KLC1: variants seen among roughly 807,000 people sequenced by gnomAD.
KLC1 encodes kinesin light chain 1, also known as kinesin 2 60/70kDa.
A neutral mutation model predicts 84.2 loss-of-function variants in KLC1; 30 were observed. That is an observed-to-expected ratio of 0.36 (90% CI 0.27 to 0.48). The LOEUF is 0.48. KLC1 is among the 20% of genes least tolerant of loss of function. The pLI is 0.99. For synonymous variants in KLC1, 289 were observed against 293.3 expected (o/e 0.99, Z 0.15); for missense variants, 499 against 805.4 (o/e 0.62, Z 4.60).
At position 103,694,005 on chromosome 14, in the gene KLC1, A is replaced by G; in HGVS notation, c.1848+1580A>G. The G allele has an allele frequency of 9.6e-7, 1 of 1,038,860 alleles. No homozygotes were observed. The highest frequency in any genetic ancestry group is 1.2e-6 in the Non-Finnish European group (1 of 864,360). The allele number at this position is 1,038,860 out of a possible 1,614,324, so 64.4% of individuals were successfully genotyped here. A position where few individuals can be genotyped will look rare whatever the true frequency, so the allele number is the denominator to read the frequency against. On this transcript the variant is annotated intron_variant, in intron 15 of 16. Coordinates refer to ENST00000334553, the MANE Select transcript of KLC1 (RefSeq NM_001394837.1). This position sits in a 1 kb window ranked among gnomAD's most constrained non-coding sequence, Gnocchi z 4.5. ...ATTGTAATATTGTAATAAGGCTGTA[A>G]ATTAAGAATCTGGAAACATAAAGTA...
intron 9 of KLC1, 28 bp from the exon 10 acceptor site, chr14:103,675,524 A>T: frequency 6.2e-7 from 1 of 1,601,212 alleles, no homozygotes; most frequent in Non-Finnish European, 8.5e-7. Context: ...AAGGATGCTC[A>T]ACCTGTATGC....
At chr14:103,679,316 T>C in intron 12 of KLC1, 68 bp from the exon 13 acceptor site, 2 of 1,482,526 alleles carry the variant, frequency 1.3e-6, no homozygotes, top group Non-Finnish European at 1.8e-6. Context: ...TAGCGAAGTA[T>C]CTCAGAAATA....
At chr14:103,688,645 G>C (rs919596959) in intron 14 of KLC1, among the ~76,000 whole-genome samples, 1 of 151,874 alleles carries the variant, frequency 6.6e-6, no homozygotes, top group Admixed American at 6.6e-5. Flanking sequence ...AGTCTCTGTC[G>C]TGGATGGAGA....
intron 1 of KLC1, among the ~76,000 whole-genome samples, chr14:103,645,811 G>A (rs887302244): frequency 6.6e-6 from 1 of 151,044 alleles, no homozygotes; most frequent in African/African-American, 2.4e-5. Flanking sequence ...AGGCTGGAGT[G>A]CAGTGGCACA....
intron 15 of KLC1, chr14:103,696,386 G>A (rs861542): frequency 0.97 from 956,877 of 985,334 alleles, 464,812 homozygotes; most frequent in East Asian, 0.98. Context: ...TCACATCGTT[G>A]TTTTCTGGAT....
rs2082333297 is a variant in KLC1 at position 103,694,896 on chromosome 14, G to A, written c.1848+2471G>A. The A allele has an allele frequency of 2.4e-5, 24 of 985,468 alleles. No homozygotes were observed. Among genetic ancestry groups the A allele is most frequent in the Non-Finnish European group, 2.8e-5 (23 of 829,928 alleles). 61.0% of individuals were successfully genotyped at this position (985,468 alleles called of 1,614,324 possible). A position where few individuals can be genotyped will look rare whatever the true frequency, so the allele number is the denominator to read the frequency against. ...TCCCGCCTCATGTCGCAGGACTGCT[G>A]TGTTTGTGAAAGCGCGTTTGTTTCC... On this transcript the variant is annotated intron_variant, in intron 15 of 16. Transcript: ENST00000334553. The surrounding 1 kb of genome is among the most constrained non-coding windows in gnomAD (Gnocchi z 4.5).
intron 15 of KLC1, 123 bp from the exon 16 acceptor site, chr14:103,700,532 C>T: frequency 1.3e-6 from 1 of 741,560 alleles, no homozygotes; most frequent in Non-Finnish European, 2.2e-6. Context: ...TGCTAAGGGG[C>T]CCCTAGGCTG....
Position 103,662,769 on chromosome 14 carries a change from G to A in KLC1, c.639G>A (p.Leu213=). The change falls in exon 5 of 17, where the codon CTG becomes CTA. Residue 213 remains leucine, a synonymous_variant. Transcript: ENST00000334553. ...QQGGYEIPAR[L]RTLHNLVIQY... ...GCGGCTACGAGATCCCCGCGCGGCT[G>A]CGGACGCTCCACAACCTGGTGATCC... The A allele has an allele frequency of 2.5e-6, 4 of 1,612,114 alleles. No homozygotes were observed. In the Admixed American group the frequency reaches 6.7e-5, roughly 27 times the overall value.
intron 1 of KLC1, among the ~76,000 whole-genome samples, chr14:103,650,427 C>T: frequency 6.6e-6 from 1 of 152,088 alleles, no homozygotes. Context: ...TGAATCATCT[C>T]CAGGCATACA....
chr14:103,670,550 T>C (rs1481206808), intron 7 of KLC1, among the ~76,000 whole-genome samples: 1 of 151,646 alleles, frequency 6.6e-6, no homozygotes, highest in Non-Finnish European at 1.5e-5. Context: ...TTGGCCAGGA[T>C]GTTCTCAATC....
rs775102527 is a variant in KLC1 at position 103,679,472 on chromosome 14, A to G, written c.1577A>G (p.Asn526Ser). 26 of 1,614,014 alleles carry G rather than the reference A, an allele frequency of 1.6e-5. No individual in the cohort carries two copies. Among genetic ancestry groups the G allele is most frequent in the Non-Finnish European group, 2.1e-5 (25 of 1,180,020 alleles). ...MEKRRSRESL[N>S]VDVVKYESGP... The stretch of plus-strand genomic sequence containing the variant: ...AAGCGCAGGAGCCGTGAGAGCCTCA[A>G]CGTGGACGTGGTCAAGTACGAGAGT... The change falls in exon 13 of 17, where the codon AAC becomes AGC. Residue 526 changes from asparagine to serine, a missense_variant. By Grantham distance (46) the Asn-to-Ser change is conservative (BLOSUM62 1). Coordinates refer to ENST00000334553, the MANE Select transcript of KLC1 (RefSeq NM_001394837.1).
At chr14:103,648,964 G>A (rs1182935169) in intron 1 of KLC1, among the ~76,000 whole-genome samples, 1 of 150,286 alleles carries the variant, frequency 6.7e-6, no homozygotes, top group Non-Finnish European at 1.5e-5. Flanking sequence ...TGGCGAAACT[G>A]TGTCTCTACT....
chr14:103,697,769 GA>G (rs1333214198), intron 15 of KLC1: 1 of 152,344 alleles, frequency 6.6e-6, no homozygotes, highest in Non-Finnish European at 1.5e-5. Context: ...CTGCTGGGTG[GA>G]TATTTCAGCC....
rs2078708405 is a variant in KLC1, at chr14:103,654,831, A to T, written c.261+6A>T. 2 of 1,612,278 alleles carry T rather than the reference A, an allele frequency of 1.2e-6. No homozygotes were observed. Among genetic ancestry groups the T allele is most frequent in the East Asian group, 2.2e-5 (1 of 44,888 alleles). On this transcript the variant is annotated splice_donor_region_variant and intron_variant, in intron 2 of 16. Coordinates refer to ENST00000334553, the MANE Select transcript of KLC1 (RefSeq NM_001394837.1). The stretch of plus-strand genomic sequence containing the variant: ...TCGGCCTGAGTGAGGCACAGGTACG[A>T]GTGAGAATGACTCAGACGTTATCAG...
chr14:103,637,144 T>G (rs12881418), intron 1 of KLC1, among the ~76,000 whole-genome samples: 34,644 of 151,950 alleles, frequency 0.23, 4,299 homozygotes, highest in East Asian at 0.49. Flanking sequence ...CAAATATTTT[T>G]TCCTAATCTA....
chr14:103,690,742 T>C (rs1272769811), intron 14 of KLC1, among the ~76,000 whole-genome samples: 2 of 152,250 alleles, frequency 1.3e-5, no homozygotes, highest in African/African-American at 4.8e-5. Flanking sequence ...TCCATGGTGG[T>C]GGTGAACAAC....
At position 103,692,395 on chromosome 14, in the gene KLC1, G is replaced by A. The variant is rs1292203114; in HGVS notation, c.1818G>A (p.Val606=). Reference sequence around the variant, plus strand: ...CCAGCTCTCTGAATGTCCTTAACGTGGGTGGCAAGGCTGCTGAAGATCGCT... The same window carrying A: ...CCAGCTCTCTGAATGTCCTTAACGTAGGTGGCAAGGCTGCTGAAGATCGCT... ...KRASSLNVLN[V]GGKAAEDRFQ... is the part of the protein sequence containing the mutation. Residue 606 remains valine (V), a synonymous_variant, in exon 15 of 17, where the codon GTG becomes GTA. Coordinates refer to ENST00000334553, the MANE Select transcript of KLC1 (RefSeq NM_001394837.1). 2 of 1,536,542 alleles carry A rather than the reference G, an allele frequency of 1.3e-6. No homozygotes were observed. Among genetic ancestry groups the A allele is most frequent in the African/African-American group, 2.7e-5 (2 of 73,032 alleles).
intron 5 of KLC1, among the ~76,000 whole-genome samples, chr14:103,664,262 C>A (rs2151596022): frequency 6.6e-6 from 1 of 152,308 alleles, no homozygotes; most frequent in African/African-American, 2.4e-5. Context: ...AGTGATTCTC[C>A]TGCTTCAGCC....
chr14:103,699,203 G>T (rs1343801369), intron 15 of KLC1: 2 of 1,550,984 alleles, frequency 1.3e-6, no homozygotes, highest in Non-Finnish European at 1.7e-6. Context: ...GTCCAGGTCA[G>T]CTGCAACGGC....
Sources: allele counts gnomAD v4.1 joint callset (sites outside exome capture counted in the v4.1 genomes callset), GRCh38; gene constraint gnomAD v4.1.1; non-coding constraint Gnocchi (gnomAD v3.1); transcripts MANE v1.5; gene names NCBI Gene and HGNC (gene_info 2026-07-23, HGNC 2026-07-21).